ERICH1: variants seen among roughly 807,000 people sequenced by gnomAD.
ERICH1 encodes glutamate rich 1.
Under a neutral mutation model 39.6 loss-of-function variants are expected in ERICH1, and 56 were observed. That is an observed-to-expected ratio of 1.41 (90% CI 1.14 to 1.77). The LOEUF (loss-of-function observed/expected upper bound fraction) is 1.77, where lower values mean the gene tolerates loss of function less well. Ranked by LOEUF, ERICH1 falls within the 40% of genes most tolerant of loss-of-function variation. ERICH1 has a pLI of 0.00. For missense variants in ERICH1, 826 were observed against 575.4 expected, an observed-to-expected ratio of 1.44 and a Z score of -4.45; for synonymous variants, 313 against 223.6, an observed-to-expected ratio of 1.40 and a Z score of -3.57.
intron 3 of ERICH1, among the ~76,000 whole-genome samples, chr8:687,540 G>T (rs934443475): frequency 3.0e-4 from 45 of 152,384 alleles, no homozygotes; most frequent in African/African-American, 1.1e-3. Flanking sequence ...CGCTGAGGGG[G>T]CGCAGGGGAG....
At chr8:628,578 C>T (rs1204139043) in intron 3 of ERICH1, among the ~76,000 whole-genome samples, 1 of 152,220 alleles carries the variant, frequency 6.6e-6, no homozygotes, top group Non-Finnish European at 1.5e-5. Flanking sequence ...CTCCCTGGTG[C>T]CTTCTGGAAC....
At position 644,492 on chromosome 8, in the gene ERICH1, C is replaced by T. The variant is rs1291136786; in HGVS notation, c.976+24106G>A. ...TTTGTCAGCTAAGACTGCTGCTTTC[C>T]AGGCCTAATTCTGTTCTGGTACATG... On this transcript the variant is annotated intron_variant, in intron 3 of 3. Transcript: ENST00000522706. Among the ~76,000 whole-genome samples the T allele has an allele frequency of 2.4e-4, 6 of 25,170 alleles. 3 individuals carry two copies. Among genetic ancestry groups the T allele is most frequent in the Non-Finnish European group, 1.0e-3 (6 of 6,002 alleles). The allele number at this position is 25,170 out of a possible 152,430, so 16.5% of individuals were successfully genotyped here.
At chr8:670,718 G>A (rs889997540) in intron 4 of ERICH1, among the ~76,000 whole-genome samples, 1 of 152,190 alleles carries the variant, frequency 6.6e-6, no homozygotes, top group Non-Finnish European at 1.5e-5. Context: ...TCTAAGGGAA[G>A]CCATGCAGTG....
At chr8:626,079 G>A (rs544930180) in intron 3 of ERICH1, 13 of 152,220 alleles carry the variant, frequency 8.5e-5, no homozygotes, top group African/African-American at 2.4e-4. Context: ...CATGTGAATC[G>A]TTTCCACACA....
chr8:633,742 G>C (rs556125029), intron 3 of ERICH1, among the ~76,000 whole-genome samples: 1 of 152,348 alleles, frequency 6.6e-6, no homozygotes, highest in African/African-American at 2.4e-5. Context: ...ACTCAAGGTC[G>C]AATGGGCTTT....
At chr8:680,807 G>C (rs1027307372) in intron 3 of ERICH1, among the ~76,000 whole-genome samples, 5 of 152,186 alleles carry the variant, frequency 3.3e-5, no homozygotes, top group African/African-American at 1.2e-4. Flanking sequence ...GTGTGTGAGA[G>C]AGCCCAGATC....
intron 3 of ERICH1, among the ~76,000 whole-genome samples, chr8:633,290 G>C (rs1798168344): frequency 6.6e-6 from 1 of 152,162 alleles, no homozygotes; most frequent in Non-Finnish European, 1.5e-5. Context: ...AACGTGTATT[G>C]CAGCATTGCC....
intron 3 of ERICH1, among the ~76,000 whole-genome samples, chr8:688,718 C>G (rs907139684): frequency 2.0e-5 from 3 of 152,160 alleles, no homozygotes; most frequent in Admixed American, 1.3e-4. Flanking sequence ...CTACCACAAA[C>G]TGGAGGTCAA....
intron 3 of ERICH1, among the ~76,000 whole-genome samples, chr8:631,742 C>T (rs980681816): frequency 2.6e-5 from 4 of 152,174 alleles, no homozygotes; most frequent in Non-Finnish European, 5.9e-5. Flanking sequence ...TCCACACCAT[C>T]GTCTCTGGAA....
At chr8:632,811 A>G (rs1798125491) in intron 3 of ERICH1, among the ~76,000 whole-genome samples, 1 of 152,132 alleles carries the variant, frequency 6.6e-6, no homozygotes, top group Admixed American at 6.5e-5. Flanking sequence ...GACATTTGGC[A>G]ATGTGTGGAG....
At chr8:673,259 T>G in intron 4 of ERICH1, 30 bp downstream of exon 4, 1 of 1,564,812 alleles carries the variant, frequency 6.4e-7, no homozygotes, top group Non-Finnish European at 8.7e-7. Context: ...TGGATGTCAC[T>G]ATGCAAGAGA....
intron 3 of ERICH1, 63 bp downstream of exon 3, chr8:692,414 GA>G: frequency 6.2e-7 from 1 of 1,610,006 alleles, no homozygotes; most frequent in Non-Finnish European, 8.5e-7. Flanking sequence ...TACAATACCA[GA>G]AAATTGGGAA....
At chr8:642,336 CTTTTTTT>C (rs33990765) in intron 3 of ERICH1, among the ~76,000 whole-genome samples, 2 of 60,450 alleles carry the variant, frequency 3.3e-5, no homozygotes, top group African/African-American at 7.2e-5. Context: ...ATGGTCTGGA[CTTTTTTT>C]TTTTTTTTTT....
downstream of ERICH1, among the ~76,000 whole-genome samples, chr8:660,242 C>A (rs1016750860): frequency 3.9e-5 from 6 of 152,252 alleles, no homozygotes; most frequent in African/African-American, 1.4e-4. Context: ...TTCACACACA[C>A]CTGGGGCCAT....
chr8:676,609 A>T (rs1306662259), intron 3 of ERICH1, among the ~76,000 whole-genome samples: 1 of 151,984 alleles, frequency 6.6e-6, no homozygotes, highest in Non-Finnish European at 1.5e-5. Flanking sequence ...ATGCGGGGGG[A>T]ACAGAGGGTG....
chr8:642,300 C>T (rs1799084588), intron 3 of ERICH1, among the ~76,000 whole-genome samples: 1 of 146,526 alleles, frequency 6.8e-6, no homozygotes. Context: ...GGAACTGCTG[C>T]AAAGAACATC....
chr8:616,033 T>G (rs1228674271), intron 3 of ERICH1: 1 of 154,330 alleles, frequency 6.5e-6, no homozygotes, highest in Non-Finnish European at 1.4e-5. Flanking sequence ...ACACACATTC[T>G]CAGCCCATCA....
At chr8:723,926 G>C (rs1817944091) in intron 1 of ERICH1, among the ~76,000 whole-genome samples, 1 of 152,124 alleles carries the variant, frequency 6.6e-6, no homozygotes, top group Non-Finnish European at 1.5e-5. Context: ...TCACAAGAAA[G>C]AAAAGCTCAG....
At chr8:654,914 G>A (rs1050531791) in intron 3 of ERICH1, among the ~76,000 whole-genome samples, 20 of 152,370 alleles carry the variant, frequency 1.3e-4, no homozygotes, top group African/African-American at 4.3e-4. Context: ...GAGACAGCGG[G>A]TCACAATGGC....
Sources: gnomAD v4.1 joint callset for allele counts (sites outside exome capture counted in the v4.1 genomes callset) on GRCh38, gnomAD v4.1.1 for gene constraint, MANE v1.5 for transcripts, NCBI Gene and HGNC (gene_info 2026-07-23, HGNC 2026-07-21) for gene names.